The following RFFL variants were observed in gnomAD, a reference collection of about 807,000 sequenced individuals.
RFFL encodes ring finger and FYVE like domain containing E3 ubiquitin protein ligase.
Under a neutral mutation model 40.4 loss-of-function variants are expected in RFFL, and 16 were observed. That is an observed-to-expected ratio of 0.40 (90% CI 0.27 to 0.60). The LOEUF (loss-of-function observed/expected upper bound fraction) is 0.60, where lower values mean the gene tolerates loss of function less well. Among genes scored for constraint, RFFL ranks in the 20% least tolerant of loss-of-function variants. The pLI, the probability that RFFL is intolerant of heterozygous loss-of-function variation, is 0.47. For missense variants in RFFL, 367 were observed against 451.7 expected (o/e 0.81, Z 1.70); for synonymous variants, 154 against 167.9 (o/e 0.92, Z 0.64).
intron 1 of RFFL, among the ~76,000 whole-genome samples, chr17:35,044,633 T>C (rs1416286365): frequency 1.3e-5 from 2 of 152,152 alleles, no homozygotes; most frequent in Non-Finnish European, 2.9e-5. Flanking sequence ...AAAGTAAGTG[T>C]TGTCACTGGG....
At position 35,010,789 on chromosome 17, in the gene RFFL, A is replaced by G. The variant is rs529532644; in HGVS notation, c.*1179T>C. Reference sequence around the variant, plus strand: ...CTTTCTCCCTGACCTGCCCCCAAAAATCAGTGGGCTAGGAAAGGGAATGAA... The same window carrying G: ...CTTTCTCCCTGACCTGCCCCCAAAAGTCAGTGGGCTAGGAAAGGGAATGAA... On this transcript the variant is annotated 3_prime_UTR_variant, in exon 7 of 7. Coordinates refer to ENST00000394597, the MANE Select transcript of RFFL (RefSeq NM_001017368.2). The G allele has an allele frequency of 6.6e-6, 1 of 152,014 alleles. No individual in the cohort carries two copies. Among genetic ancestry groups the G allele is most frequent in the Non-Finnish European group, 1.5e-5 (1 of 68,058 alleles). 9.4% of individuals were successfully genotyped at this position (152,014 alleles called of 1,614,324 possible).
At chr17:35,012,944 A>C (rs996612378) in intron 6 of RFFL, among the ~76,000 whole-genome samples, 1 of 152,236 alleles carries the variant, frequency 6.6e-6, no homozygotes, top group Non-Finnish European at 1.5e-5. Context: ...GAAGCCCCCA[A>C]TGCCAGTTAT....
At chr17:35,079,170 G>C (rs933033027) in intron 1 of RFFL, among the ~76,000 whole-genome samples, 1 of 152,014 alleles carries the variant, frequency 6.6e-6, no homozygotes, top group Non-Finnish European at 1.5e-5. Flanking sequence ...TTACAGGCAC[G>C]CACCACCATG....
chr17:35,016,490 G>A lies in RFFL; in HGVS notation c.766C>T (p.Arg256Trp), dbSNP rs1257292085. 6 of 1,614,018 alleles carry A rather than the reference G, an allele frequency of 3.7e-6. No homozygotes were observed. Among genetic ancestry groups the A allele is most frequent in the Non-Finnish European group, 4.2e-6 (5 of 1,180,022 alleles). ...DLEDIEGLTV[R>W]QLKEILARNF... ...CGAGCCAAGATCTCTTTCAGCTGCC[G>A]CACTGTCAGGCCTTCAATGTCCTCC... is the stretch of plus-strand genomic sequence containing the variant. The change falls in exon 5 of 7, where the codon CGG becomes TGG. Residue 256 changes from arginine (R) to tryptophan (W), a missense_variant. Physicochemically the swap from Arg to Trp is moderately radical, Grantham distance 101 (BLOSUM62 -3). Transcript: ENST00000394597.
At chr17:35,019,000 C>T (rs2090991677) in intron 3 of RFFL, 1 of 152,220 alleles carries the variant, frequency 6.6e-6, no homozygotes, top group South Asian at 2.1e-4. Flanking sequence ...AGTACCTGTC[C>T]ACAGTTGTGC....
chr17:35,022,080 T>A (rs919613640), intron 2 of RFFL, among the ~76,000 whole-genome samples: 1 of 152,216 alleles, frequency 6.6e-6, no homozygotes, highest in Non-Finnish European at 1.5e-5. Context: ...TAATTAAGAC[T>A]ACCAGCATAA....
chr17:35,061,845 T>C (rs955974390), intron 1 of RFFL, among the ~76,000 whole-genome samples: 7 of 151,882 alleles, frequency 4.6e-5, no homozygotes, highest in Admixed American at 3.3e-4. Context: ...CACGCCCAGC[T>C]AATTTTTTGT....
At chr17:35,050,207 C>T (rs945201038) in intron 1 of RFFL, among the ~76,000 whole-genome samples, 1 of 151,932 alleles carries the variant, frequency 6.6e-6, no homozygotes, top group Non-Finnish European at 1.5e-5. Context: ...GATTGCACCA[C>T]TGCACTCCAG....
upstream of RFFL, among the ~76,000 whole-genome samples, chr17:35,065,705 G>C (rs2091317663): frequency 6.6e-6 from 1 of 152,170 alleles, no homozygotes; most frequent in African/African-American, 2.4e-5. Context: ...AGTGAACAGA[G>C]CTGCTGCAGC....
intron 1 of RFFL, among the ~76,000 whole-genome samples, chr17:35,042,551 G>C (rs1403350875): frequency 3.3e-5 from 5 of 152,088 alleles, no homozygotes; most frequent in Non-Finnish European, 7.4e-5. Context: ...GCCGGGCGCA[G>C]TGGCTCACAC....
At chr17:35,045,976 A>C (rs1264935043) in intron 1 of RFFL, among the ~76,000 whole-genome samples, 2 of 151,292 alleles carry the variant, frequency 1.3e-5, no homozygotes, top group Admixed American at 1.3e-4. Flanking sequence ...CGGTGAGCCA[A>C]GATTGCACAC....
At chr17:35,086,571 C>T (rs946853507) in intron 1 of RFFL, among the ~76,000 whole-genome samples, 4 of 151,144 alleles carry the variant, frequency 2.6e-5, no homozygotes, top group Middle Eastern at 3.2e-3. Context: ...AGAAGTGAAA[C>T]AAAAATAACC....
intron 1 of RFFL, among the ~76,000 whole-genome samples, chr17:35,035,883 A>C (rs1467010499): frequency 4.0e-5 from 6 of 151,812 alleles, no homozygotes; most frequent in African/African-American, 1.5e-4. Context: ...TTGTATTTTT[A>C]GTAGAGACGG....
intron 1 of RFFL, among the ~76,000 whole-genome samples, chr17:35,027,562 TAA>T: frequency 6.6e-6 from 1 of 151,534 alleles, no homozygotes; most frequent in Non-Finnish European, 1.5e-5. Context: ...CCATCTCTAC[TAA>T]AAATACAAAA....
intron 1 of RFFL, among the ~76,000 whole-genome samples, chr17:35,062,182 A>T (rs2091295521): frequency 6.6e-6 from 1 of 151,978 alleles, no homozygotes. Context: ...AGGCAGGTGG[A>T]CCATGAGGTC....
chr17:35,018,481 G>A (rs1255002248), intron 3 of RFFL, among the ~76,000 whole-genome samples: 3 of 152,010 alleles, frequency 2.0e-5, no homozygotes, highest in Admixed American at 6.6e-5. Context: ...GATCCTCTTC[G>A]CCCACTGCTC....
intron 1 of RFFL, among the ~76,000 whole-genome samples, chr17:35,052,211 G>C (rs1054832077): frequency 1.3e-5 from 2 of 152,136 alleles, no homozygotes; most frequent in African/African-American, 2.4e-5. Context: ...AAAATGCCCT[G>C]ATCTACCTCC....
chr17:35,054,360 G>A (rs549834220), intron 1 of RFFL, among the ~76,000 whole-genome samples: 1 of 152,186 alleles, frequency 6.6e-6, no homozygotes, highest in East Asian at 1.9e-4. Flanking sequence ...CCCACAAGCT[G>A]AGGCCTCTTT....
chr17:35,041,219 G>A lies in RFFL; in HGVS notation c.-8-14658C>T, dbSNP rs529824873. ...TTGGGTAAAAGAACAGCCTCCTAAC[G>A]GGTTTCCTAGCTTTAATTCTTGCCT... On this transcript the variant is annotated intron_variant, in intron 1 of 6. Transcript: ENST00000394597. Among the ~76,000 whole-genome samples the A allele has an allele frequency of 7.2e-5, 11 of 151,904 alleles. No homozygotes were observed. In the East Asian group the frequency reaches 1.6e-3, roughly 21 times the overall value.
Sources: gnomAD v4.1 joint callset for allele counts (sites outside exome capture counted in the v4.1 genomes callset) on GRCh38, gnomAD v4.1.1 for gene constraint, MANE v1.5 for transcripts, NCBI Gene and HGNC (gene_info 2026-07-23, HGNC 2026-07-21) for gene names.